The following CCR3 variants were observed in gnomAD, a reference collection of about 807,000 sequenced individuals.
CCR3 encodes the protein C-C chemokine receptor type 3.
For missense variants in CCR3, 419 were observed against 437.5 expected (o/e 0.96, Z 0.38); for synonymous variants, 203 against 179.2 (o/e 1.13, Z -1.06).
At chr3:46,228,506 C>T (rs985316835) in intron 2 of CCR3, among the ~76,000 whole-genome samples, 3 of 152,152 alleles carry the variant, frequency 2.0e-5, no homozygotes, top group Non-Finnish European at 4.4e-5. Context: ...AAATCCATCT[C>T]CTCTAATCCT....
At chr3:46,255,556 T>C (rs1398001973) in intron 1 of CCR3, among the ~76,000 whole-genome samples, 1 of 152,214 alleles carries the variant, frequency 6.6e-6, no homozygotes, top group Non-Finnish European at 1.5e-5. Context: ...TTGATCCATC[T>C]TGGGTTGATT....
chr3:46,217,086 A>G (rs1699783643), intron 2 of CCR3, among the ~76,000 whole-genome samples: 1 of 152,174 alleles, frequency 6.6e-6, no homozygotes, highest in African/African-American at 2.4e-5. Context: ...CACCAAACTC[A>G]CATAAACTTA....
chr3:46,258,976 G>A (rs1273389382), intron 1 of CCR3, among the ~76,000 whole-genome samples: 2 of 152,132 alleles, frequency 1.3e-5, no homozygotes, highest in Admixed American at 6.5e-5. Flanking sequence ...CAATGACATA[G>A]AAACAGCATT....
chr3:46,218,964 G>T (rs1224210676), intron 2 of CCR3, among the ~76,000 whole-genome samples: 1 of 152,098 alleles, frequency 6.6e-6, no homozygotes, highest in Non-Finnish European at 1.5e-5. Flanking sequence ...CATATTACTG[G>T]AAGTTCTAGC....
chr3:46,261,026 AT>A (rs1459493889), intron 1 of CCR3, among the ~76,000 whole-genome samples: 1 of 152,150 alleles, frequency 6.6e-6, no homozygotes, highest in Non-Finnish European at 1.5e-5. Context: ...TTCTATGTTC[AT>A]TTAACTTTTG....
At chr3:46,265,017 C>T (rs1342923236) in intron 1 of CCR3, 131 bp from the exon 2 acceptor site, 2 of 646,322 alleles carry the variant, frequency 3.1e-6, no homozygotes, top group East Asian at 5.6e-5. Context: ...TTTTGAAATT[C>T]ATGTTAAAGA....
intron 1 of CCR3, among the ~76,000 whole-genome samples, chr3:46,255,868 G>T (rs975347855): frequency 6.6e-6 from 1 of 151,946 alleles, no homozygotes; most frequent in African/African-American, 2.4e-5. Context: ...TTGCTGTGTT[G>T]CTTTGGCAAT....
At chr3:46,250,316 T>G (rs998985704) in intron 1 of CCR3, among the ~76,000 whole-genome samples, 1 of 151,912 alleles carries the variant, frequency 6.6e-6, no homozygotes, top group African/African-American at 2.4e-5. Flanking sequence ...GAGGAAGAAT[T>G]GGGACCTAGC....
chr3:46,219,255 T>C (rs1254667042), intron 2 of CCR3, among the ~76,000 whole-genome samples: 1 of 152,088 alleles, frequency 6.6e-6, no homozygotes, highest in Non-Finnish European at 1.5e-5. Flanking sequence ...TATTATAAAA[T>C]ACTTAGGAAT....
intron 1 of CCR3, among the ~76,000 whole-genome samples, chr3:46,243,506 A>G (rs1036245102): frequency 3.9e-5 from 6 of 151,946 alleles, no homozygotes; most frequent in African/African-American, 1.5e-4. Context: ...TTTCTGGGTG[A>G]ATGAGATTGT....
In CCR3 at chr3:46,266,414, A is replaced by C. The variant is rs201964825; in HGVS notation, c.*188A>C. On this transcript the variant is annotated 3_prime_UTR_variant, in exon 2 of 2. Coordinates refer to ENST00000395940, the MANE Select transcript of CCR3 (RefSeq NM_178329.3). ...TACCCTAAGGTCATTACCACAGGCC[A>C]GGGGCTGGGCAGCGTACTCATCATC... is the stretch of plus-strand genomic sequence containing the variant. 39 of 558,622 alleles carry C rather than the reference A, an allele frequency of 7.0e-5. 1 individual carries two copies. The Middle Eastern group carries it at 3.7e-3, about 53-fold the overall frequency. The allele number at this position is 558,622 out of a possible 1,614,324, so 34.6% of individuals were successfully genotyped here.
chr3:46,214,477 TATTTA>T (rs1050156336), intron 2 of CCR3, among the ~76,000 whole-genome samples: 7 of 152,182 alleles, frequency 4.6e-5, no homozygotes, highest in African/African-American at 9.7e-5. Context: ...CTATCCGAGT[TATTTA>T]ATTTAGCAGC....
chr3:46,227,226 T>C (rs1029285780), intron 2 of CCR3, among the ~76,000 whole-genome samples: 6 of 152,296 alleles, frequency 3.9e-5, no homozygotes, highest in South Asian at 2.1e-4. Flanking sequence ...ATTTTATCTA[T>C]GTCAATATTC....
chr3:46,266,025 C>A lies in CCR3; in HGVS notation c.867C>A (p.Ile289=). ...TGGTCATGCTGGTGACAGAGGTGAT[C>A]GCCTACTCCCACTGCTGCATGAACC... ...LDLVMLVTEV[I]AYSHCCMNPV... Residue 289 remains isoleucine, a synonymous_variant, in exon 2 of 2, where the codon ATC becomes ATA. Coordinates refer to ENST00000395940, the MANE Select transcript of CCR3 (RefSeq NM_178329.3). 1.9e-6 allele frequency: 3 copies of A among 1,614,024 alleles called. No homozygotes were observed. The highest frequency in any genetic ancestry group is 2.2e-5 in the South Asian group (2 of 91,078).
At chr3:46,253,112 C>T (rs867813938) in intron 1 of CCR3, among the ~76,000 whole-genome samples, 1 of 152,088 alleles carries the variant, frequency 6.6e-6, no homozygotes, top group African/African-American at 2.4e-5. Flanking sequence ...GTGACTCCCA[C>T]ATGCAGCCAG....
In CCR3 at chr3:46,266,056, A is replaced by G; in HGVS notation, c.898A>G (p.Ile300Val). 1 of 1,614,064 alleles carries G rather than the reference A, an allele frequency of 6.2e-7. No individual in the cohort carries two copies. Among genetic ancestry groups the G allele is most frequent in the Non-Finnish European group, 8.5e-7 (1 of 1,180,002 alleles). ...CTCCCACTGCTGCATGAACCCGGTG[A>G]TCTACGCCTTTGTTGGAGAGAGGTT... ...AYSHCCMNPV[I>V]YAFVGERFRK... The change falls in exon 2 of 2, where the codon ATC becomes GTC. Residue 300 changes from isoleucine (I) to valine (V), a missense_variant. Coordinates refer to ENST00000395940, the MANE Select transcript of CCR3 (RefSeq NM_178329.3).
intron 1 of CCR3, chr3:46,264,453 C>G (rs1256496395): frequency 6.6e-7 from 1 of 1,520,958 alleles, no homozygotes; most frequent in East Asian, 2.5e-5. Context: ...CCAGGTTCCT[C>G]AAGTCCGTAG....
intron 2 of CCR3, among the ~76,000 whole-genome samples, chr3:46,237,103 TTATC>T (rs1236434027): frequency 6.6e-6 from 1 of 152,262 alleles, no homozygotes; most frequent in Non-Finnish European, 1.5e-5. Flanking sequence ...CACATTTTCT[TTATC>T]TATTCATCCA....
intron 2 of CCR3, among the ~76,000 whole-genome samples, chr3:46,223,629 TG>T (rs1409972126): frequency 3.3e-5 from 5 of 152,146 alleles, no homozygotes; most frequent in African/African-American, 1.2e-4. Flanking sequence ...TGTGTGTGCA[TG>T]TATGTATGTG....
Sources: allele counts gnomAD v4.1 joint callset (sites outside exome capture counted in the v4.1 genomes callset), GRCh38; gene constraint gnomAD v4.1.1; transcripts MANE v1.5; gene names NCBI Gene and HGNC (gene_info 2026-07-23, HGNC 2026-07-21).